CNTN4: variants seen among roughly 807,000 people sequenced by gnomAD.
The protein encoded by CNTN4 is contactin 4, also known as contactin-4.
In CNTN4, 77 loss-of-function variants were observed where a neutral mutation model predicts 122.5. The observed-to-expected ratio is 0.63, with a 90% confidence interval of 0.52 to 0.76. The LOEUF (loss-of-function observed/expected upper bound fraction) is 0.76. Among genes scored for constraint, CNTN4 ranks in the 30% least tolerant of loss-of-function variants. CNTN4 has a pLI of 0.00. For missense variants in CNTN4, 1,256 were observed against 1,259.1 expected, an observed-to-expected ratio of 1.00 and a Z score of 0.04; for synonymous variants, 512 against 447.0, an observed-to-expected ratio of 1.15 and a Z score of -1.83.
intron 2 of CNTN4, among the ~76,000 whole-genome samples, chr3:2,129,942 TG>T (rs2125271536): frequency 6.6e-6 from 1 of 152,154 alleles, no homozygotes; most frequent in South Asian, 2.1e-4. Context: ...AAACTGGCAT[TG>T]TAAGTAAATT....
intron 12 of CNTN4, among the ~76,000 whole-genome samples, chr3:2,905,784 G>A (rs1298597539): frequency 6.6e-6 from 1 of 152,212 alleles, no homozygotes; most frequent in Non-Finnish European, 1.5e-5. Flanking sequence ...AGGGGGCTGG[G>A]CTGGAAAGCT....
intron 4 of CNTN4, among the ~76,000 whole-genome samples, chr3:2,580,245 A>C (rs748502647): frequency 1.3e-5 from 2 of 152,112 alleles, no homozygotes; most frequent in Non-Finnish European, 2.9e-5. Context: ...GACAGCCAGA[A>C]CATTTAGGGT....
At chr3:2,445,013 A>ATCTATCTC (rs199537826) in intron 3 of CNTN4, among the ~76,000 whole-genome samples, 1 of 151,836 alleles carries the variant, frequency 6.6e-6, no homozygotes, top group African/African-American at 2.4e-5. Flanking sequence ...AAAAAAAAAA[A>ATCTATCTC]TCTATCTCTC....
chr3:2,215,293 A>T lies in CNTN4; in HGVS notation c.-145+114654A>T, dbSNP rs570516462. On this transcript the variant is annotated intron_variant, in intron 2 of 24. Transcript: ENST00000418658. The stretch of plus-strand genomic sequence containing the variant: ...TGGCCTGCTTCCCCCTGTATTTGAT[A>T]TGATCAACATGGATTCTAGTTCATT... Among the ~76,000 whole-genome samples the T allele has an allele frequency of 2.2e-4, 33 of 152,312 alleles. 1 individual carries two copies. The highest frequency in any genetic ancestry group is 7.5e-4 in the African/African-American group (31 of 41,578).
chr3:2,783,154 T>G (rs992553052), intron 6 of CNTN4, among the ~76,000 whole-genome samples: 13 of 151,502 alleles, frequency 8.6e-5, no homozygotes, highest in African/African-American at 3.2e-4. Flanking sequence ...GACATAGTGG[T>G]GGTACATGTC....
intron 2 of CNTN4, among the ~76,000 whole-genome samples, chr3:2,130,552 T>C (rs934544755): frequency 2.0e-5 from 3 of 152,160 alleles, no homozygotes; most frequent in African/African-American, 7.2e-5. Context: ...ATTTGCAGCT[T>C]ATCAAGTTTT....
At chr3:2,888,030 A>T (rs1290805987) in intron 10 of CNTN4, among the ~76,000 whole-genome samples, 1 of 152,258 alleles carries the variant, frequency 6.6e-6, no homozygotes, top group African/African-American at 2.4e-5. Flanking sequence ...ACAACAATGC[A>T]TATTAAAATG....
At chr3:2,671,689 T>G (rs147540035) in intron 4 of CNTN4, among the ~76,000 whole-genome samples, 3,745 of 152,320 alleles carry the variant, frequency 0.025, 74 homozygotes, top group South Asian at 0.04. Flanking sequence ...TTTCAGTTTT[T>G]CTGCTCTGTT....
intron 2 of CNTN4, among the ~76,000 whole-genome samples, chr3:2,290,176 G>A (rs572164236): frequency 5.9e-5 from 9 of 152,118 alleles, no homozygotes; most frequent in Non-Finnish European, 1.2e-4. Flanking sequence ...AAGCAGCACA[G>A]AGCATTGATC....
chr3:2,801,913 G>A (rs1406848350), intron 6 of CNTN4, among the ~76,000 whole-genome samples: 1 of 152,008 alleles, frequency 6.6e-6, no homozygotes, highest in East Asian at 1.9e-4. Flanking sequence ...TTACTGAGAT[G>A]TTTTCTTAAT....
chr3:2,336,586 C>T lies in CNTN4; in HGVS notation c.-144-2592C>T, dbSNP rs567324172. ...GGCTTATGATTTCTTAACTAGTAACCATTTAGTTGTAATATACAGAAACTT... is the reference window on the plus strand; with the variant it reads ...GGCTTATGATTTCTTAACTAGTAACTATTTAGTTGTAATATACAGAAACTT... On this transcript the variant is annotated intron_variant, in intron 2 of 24. Coordinates refer to ENST00000418658, the MANE Select transcript of CNTN4 (RefSeq NM_175607.3). Among the ~76,000 whole-genome samples the T allele has an allele frequency of 1.6e-4, 25 of 152,198 alleles. No individual in the cohort carries two copies. In the South Asian group the frequency reaches 4.8e-3, roughly 29 times the overall value.
At chr3:2,758,338 G>T (rs920245474) in intron 6 of CNTN4, among the ~76,000 whole-genome samples, 1 of 151,936 alleles carries the variant, frequency 6.6e-6, no homozygotes, top group Non-Finnish European at 1.5e-5. Context: ...GAAATGTCTT[G>T]GCCTTTACCA....
intron 3 of CNTN4, among the ~76,000 whole-genome samples, chr3:2,495,623 C>A (rs978637130): frequency 1.3e-5 from 2 of 152,180 alleles, no homozygotes; most frequent in African/African-American, 4.8e-5. Flanking sequence ...AGGTCAGTGG[C>A]AGCATTAGAT....
Position 2,934,427 on chromosome 3 carries a change from G to A in CNTN4, c.1358+8648G>A, listed in dbSNP as rs149503492. ...GGCTTTTGGAAGAGTTGAAATTCATGTAAGACATGGAAGGAAATCCCAGTG... is the reference window on the plus strand; with the variant it reads ...GGCTTTTGGAAGAGTTGAAATTCATATAAGACATGGAAGGAAATCCCAGTG... On this transcript the variant is annotated intron_variant, in intron 13 of 24. Transcript: ENST00000418658. Among the ~76,000 whole-genome samples, 152 of 150,624 alleles carry A rather than the reference G, an allele frequency of 1.0e-3. 1 individual carries two copies. The highest frequency in any genetic ancestry group is 1.7e-3 in the African/African-American group (69 of 41,060).
chr3:2,689,040 A>G (rs1384885295), intron 4 of CNTN4, among the ~76,000 whole-genome samples: 4 of 152,196 alleles, frequency 2.6e-5, no homozygotes, highest in Non-Finnish European at 4.4e-5. Context: ...AACACGACAG[A>G]GAGTTCGAAA....
At chr3:2,876,628 A>G (rs1163046284) in intron 8 of CNTN4, among the ~76,000 whole-genome samples, 1 of 152,234 alleles carries the variant, frequency 6.6e-6, no homozygotes, top group Non-Finnish European at 1.5e-5. Context: ...AGTCTCTGCA[A>G]ATTGTACTTA....
intron 3 of CNTN4, among the ~76,000 whole-genome samples, chr3:2,443,414 C>T (rs75057067): frequency 3.2e-3 from 481 of 152,252 alleles, no homozygotes; most frequent in African/African-American, 0.011. Context: ...GCTTTTCTCA[C>T]ATGTGCCCAT....
At chr3:2,254,318 CTT>C (rs1350838632) in intron 2 of CNTN4, among the ~76,000 whole-genome samples, 4 of 151,976 alleles carry the variant, frequency 2.6e-5, no homozygotes, top group Admixed American at 6.6e-5. Flanking sequence ...GGTTCCAAGT[CTT>C]TGTTATTGTG....
chr3:2,427,317 A>G (rs2047877880), intron 3 of CNTN4, among the ~76,000 whole-genome samples: 1 of 152,050 alleles, frequency 6.6e-6, no homozygotes, highest in African/African-American at 2.4e-5. Flanking sequence ...TTCTGCCTTC[A>G]TTTCGTTATG....
Sources: allele counts gnomAD v4.1 joint callset (sites outside exome capture counted in the v4.1 genomes callset), GRCh38; gene constraint gnomAD v4.1.1; transcripts MANE v1.5; gene names NCBI Gene and HGNC (gene_info 2026-07-23, HGNC 2026-07-21).